RPS6KA2: variants seen among roughly 807,000 people sequenced by gnomAD.
The protein encoded by RPS6KA2 is ribosomal protein S6 kinase alpha-2.
In RPS6KA2, 42 loss-of-function variants were observed where a neutral mutation model predicts 91.8. The observed-to-expected ratio is 0.46, with a 90% CI of 0.36 to 0.59. The LOEUF (loss-of-function observed/expected upper bound fraction) is 0.59. Among genes scored for constraint, RPS6KA2 ranks in the 20% least tolerant of loss-of-function variants. RPS6KA2 has a pLI of 0.00. For missense variants in RPS6KA2, 798 were observed against 978.5 expected (o/e 0.82, Z 2.46); for synonymous variants, 414 against 393.6 (o/e 1.05, Z -0.61).
chr6:166,714,588 C>T (rs1433528741), intron 2 of RPS6KA2, among the ~76,000 whole-genome samples: 2 of 152,168 alleles, frequency 1.3e-5, no homozygotes, highest in Non-Finnish European at 2.9e-5. Flanking sequence ...GACAGAGACG[C>T]ACAGAGGGAA....
intron 2 of RPS6KA2, among the ~76,000 whole-genome samples, chr6:166,823,371 G>A (rs1779951331): frequency 6.6e-6 from 1 of 151,968 alleles, no homozygotes; most frequent in African/African-American, 2.4e-5. Flanking sequence ...GAAAGTCAAA[G>A]ACCTGACATT....
chr6:166,642,711 T>C (rs1018515841), intron 2 of RPS6KA2, among the ~76,000 whole-genome samples: 3 of 151,946 alleles, frequency 2.0e-5, no homozygotes, highest in African/African-American at 4.8e-5. Flanking sequence ...TTTCAAATGA[T>C]AGTAAGAAAG....
intron 2 of RPS6KA2, among the ~76,000 whole-genome samples, chr6:166,761,141 G>A (rs1778158852): frequency 6.6e-6 from 1 of 152,192 alleles, no homozygotes; most frequent in South Asian, 2.1e-4. Context: ...TCGGCTCACT[G>A]CAACCTCCGC....
chr6:166,432,439 G>T lies in RPS6KA2; in HGVS notation c.1384C>A (p.Arg462=). The stretch of plus-strand genomic sequence containing the variant: ...ATGATGTTCGGGTGCTGGCCGTACC[G>T]CAGGAGGATCTCAATCTCTTCCGAG... ...DPSEEIEILL[R]YGQHPNIITL... Residue 462 remains arginine, a synonymous_variant, in exon 15 of 21, where the codon CGG becomes AGG. Coordinates refer to ENST00000265678, the MANE Select transcript of RPS6KA2 (RefSeq NM_021135.6). The T allele has an allele frequency of 1.2e-6, 2 of 1,613,566 alleles. No homozygotes were observed. The highest frequency in any genetic ancestry group is 1.7e-6 in the Non-Finnish European group (2 of 1,179,546).
At chr6:166,441,893 G>A (rs1779529940) in intron 14 of RPS6KA2, among the ~76,000 whole-genome samples, 3 of 152,256 alleles carry the variant, frequency 2.0e-5, no homozygotes, top group Non-Finnish European at 4.4e-5. Context: ...CGGGACCCTG[G>A]CTAGGGGCCT....
chr6:166,765,754 C>T (rs1039069567), intron 2 of RPS6KA2, among the ~76,000 whole-genome samples: 2 of 152,116 alleles, frequency 1.3e-5, no homozygotes, highest in Non-Finnish European at 2.9e-5. Flanking sequence ...GCTGAGCAAT[C>T]GACTTAAGGT....
chr6:166,819,492 T>C (rs573368895), intron 2 of RPS6KA2, among the ~76,000 whole-genome samples: 3 of 152,278 alleles, frequency 2.0e-5, no homozygotes, highest in East Asian at 1.9e-4. Context: ...GTCAGCCCTA[T>C]AGGTGGGTTT....
chr6:166,618,720 C>A (rs6456096), intron 1 of RPS6KA2, among the ~76,000 whole-genome samples: 29 of 152,308 alleles, frequency 1.9e-4, no homozygotes, highest in African/African-American at 6.0e-4. Flanking sequence ...GTAGGACGAG[C>A]GTCTCAGACG....
intron 2 of RPS6KA2, among the ~76,000 whole-genome samples, chr6:166,647,583 T>G (rs1411600195): frequency 6.6e-6 from 1 of 152,254 alleles, no homozygotes; most frequent in Non-Finnish European, 1.5e-5. Context: ...CCGTTCCACC[T>G]CTTTCCATAC....
At chr6:166,524,154 G>C (rs1366998870) in intron 3 of RPS6KA2, among the ~76,000 whole-genome samples, 1 of 152,180 alleles carries the variant, frequency 6.6e-6, no homozygotes, top group East Asian at 1.9e-4. Context: ...CTTCAACAGA[G>C]AGATTCTGCT....
At position 166,666,934 on chromosome 6, in the gene RPS6KA2, G is replaced by A. The variant is rs1027998711; in HGVS notation, c.124-128150C>T. The stretch of plus-strand genomic sequence containing the variant: ...TAGGCACACAATGGAAGGAAATGAC[G>A]ACGCACGTTGCAATGTGGATGAACC... On this transcript the variant is annotated intron_variant, in intron 2 of 21. Transcript: ENST00000503859. This position sits in a 1 kb window ranked among gnomAD's most constrained non-coding sequence, Gnocchi z 4.0. Among the ~76,000 whole-genome samples, 10 of 152,138 alleles carry A rather than the reference G, an allele frequency of 6.6e-5. No individual in the cohort carries two copies. Among genetic ancestry groups the A allele is most frequent in the Non-Finnish European group, 1.2e-4 (8 of 68,040 alleles).
chr6:166,642,012 G>T (rs1787453777), intron 2 of RPS6KA2, among the ~76,000 whole-genome samples: 1 of 151,752 alleles, frequency 6.6e-6, no homozygotes, highest in East Asian at 1.9e-4. Context: ...ATTTTTCAGA[G>T]TAGATAAAAT....
intron 1 of RPS6KA2, among the ~76,000 whole-genome samples, chr6:166,619,736 T>C (rs1158014048): frequency 1.3e-5 from 2 of 152,372 alleles, no homozygotes; most frequent in East Asian, 3.9e-4. Flanking sequence ...GAGGCTTCCT[T>C]GGTTTTTCAC....
chr6:166,521,925 G>A (rs569234928), intron 3 of RPS6KA2, among the ~76,000 whole-genome samples: 47 of 152,294 alleles, frequency 3.1e-4, no homozygotes, highest in African/African-American at 1.1e-3. Flanking sequence ...GAAGGGTGGA[G>A]CCCTCATGCA....
At chr6:166,447,394 T>C (rs1040306262) in intron 14 of RPS6KA2, among the ~76,000 whole-genome samples, 1 of 152,230 alleles carries the variant, frequency 6.6e-6, no homozygotes, top group Non-Finnish European at 1.5e-5. Flanking sequence ...TTTCTCCATA[T>C]TTAAACTTTC....
chr6:166,600,513 G>C (rs1353307761), intron 1 of RPS6KA2, among the ~76,000 whole-genome samples: 1 of 152,216 alleles, frequency 6.6e-6, no homozygotes, highest in Non-Finnish European at 1.5e-5. Context: ...TTCCCTGTTT[G>C]ACACACTGTC....
intron 8 of RPS6KA2, 134 bp downstream of exon 8, chr6:166,498,373 TG>T: frequency 9.9e-7 from 1 of 1,014,864 alleles, no homozygotes; most frequent in Non-Finnish European, 1.4e-6. Context: ...ATGCTTGGCC[TG>T]GACACTTGCC....
chr6:166,608,674 T>C (rs911506525), intron 1 of RPS6KA2, among the ~76,000 whole-genome samples: 1 of 152,190 alleles, frequency 6.6e-6, no homozygotes, highest in African/African-American at 2.4e-5. Flanking sequence ...CATGGCTTTT[T>C]TTCCTATGAG....
chr6:166,813,093 C>T (rs564299526), intron 2 of RPS6KA2, among the ~76,000 whole-genome samples: 31 of 152,162 alleles, frequency 2.0e-4, no homozygotes, highest in African/African-American at 5.3e-4. Flanking sequence ...TGCTTCTCAC[C>T]GTGACCCAGA....
Sources: gnomAD v4.1 joint callset for allele counts (sites outside exome capture counted in the v4.1 genomes callset) on GRCh38, gnomAD v4.1.1 for gene constraint, Gnocchi (gnomAD v3.1) non-coding constraint, MANE v1.5 for transcripts, NCBI Gene and HGNC (gene_info 2026-07-23, HGNC 2026-07-21) for gene names.